Variants in CNGB1 observed in about 807,000 individuals in gnomAD.
CNGB1 encodes the protein cyclic nucleotide-gated channel beta-1.
In CNGB1, 126 loss-of-function variants were observed where a neutral mutation model predicts 151.7. The ratio of observed to expected loss-of-function variants is 0.83; its 90% CI spans 0.72 to 0.96. The LOEUF (loss-of-function observed/expected upper bound fraction) is 0.96, where lower values mean the gene tolerates loss of function less well. Among genes scored for constraint, CNGB1 ranks in the 40% least tolerant of loss-of-function variants. CNGB1 has a pLI of 0.00. For missense variants in CNGB1, 1,698 were observed against 1,627.0 expected (o/e 1.04, Z -0.75); for synonymous variants, 623 against 635.1 (o/e 0.98, Z 0.29).
Position 57,884,181 on chromosome 16 carries a change from C to G in CNGB1, c.3739G>C (p.Glu1247Gln). Residue 1247 changes from glutamate to glutamine, a missense_variant, in exon 33 of 33, where the codon GAG (glutamate) becomes CAG (glutamine). Glu to Gln is a conservative substitution (Grantham distance 29, BLOSUM62 2). Transcript: ENST00000251102. ...ACCCCACCTTACTCCGCCTTCTCCT[C>G]CCTTTCCTCCGGCATCTTCACCGAC... ...ILSVKMPEER[E>Q]EKAE 6.2e-7 allele frequency: 1 copy of G among 1,614,068 alleles called. No homozygotes were observed. Among genetic ancestry groups the G allele is most frequent in the Non-Finnish European group, 8.5e-7 (1 of 1,179,932 alleles).
At chr16:57,951,659 T>C (rs1163959158) in intron 12 of CNGB1, among the ~76,000 whole-genome samples, 1 of 152,232 alleles carries the variant, frequency 6.6e-6, no homozygotes, top group Non-Finnish European at 1.5e-5. Context: ...TTCCAGGCCC[T>C]GTGCTGAATG....
intron 14 of CNGB1, among the ~76,000 whole-genome samples, chr16:57,944,521 T>A (rs1350003263): frequency 6.6e-6 from 1 of 152,230 alleles, no homozygotes; most frequent in African/African-American, 2.4e-5. Flanking sequence ...TAAGAGTAGA[T>A]CTAAACTGTT....
intron 17 of CNGB1, among the ~76,000 whole-genome samples, chr16:57,931,130 ATTAT>A (rs1212652894): frequency 3.6e-4 from 55 of 151,488 alleles, no homozygotes; most frequent in African/African-American, 1.1e-3. Flanking sequence ...GTATTACTAT[ATTAT>A]TTATTTATTT....
At chr16:57,951,191 T>C (rs1305200233) in intron 12 of CNGB1, among the ~76,000 whole-genome samples, 19 of 152,166 alleles carry the variant, frequency 1.2e-4, no homozygotes, top group African/African-American at 4.6e-4. Context: ...CCTGGGCCTA[T>C]AAGCCTGGCA....
chr16:57,903,832 T>G lies in CNGB1; in HGVS notation c.2784A>C (p.Gln928His), dbSNP rs1282791872. Residue 928 changes from glutamine to histidine, a missense_variant, in exon 27 of 33, where the codon CAA (glutamine) becomes CAC (histidine). Physicochemically the swap from Gln to His is conservative, Grantham distance 24. Transcript: ENST00000251102. ...GCGTGACCATCTTACCCAGCATGCC[T>G]TGCGAGTGCCAGGTGTACTCGTACC... is the stretch of plus-strand genomic sequence containing the variant. ...KTWYEYTWHS[Q>H]GMLDESELMV... 1.9e-6 allele frequency: 3 copies of G among 1,614,118 alleles called. No homozygotes were observed. The highest frequency in any genetic ancestry group is 2.5e-6 in the Non-Finnish European group (3 of 1,180,028).
At chr16:57,908,176 C>G (rs1182160934) in intron 25 of CNGB1, among the ~76,000 whole-genome samples, 3 of 152,234 alleles carry the variant, frequency 2.0e-5, no homozygotes, top group Non-Finnish European at 2.9e-5. Flanking sequence ...CAGATATGAG[C>G]CACCAAAACC....
intron 17 of CNGB1, among the ~76,000 whole-genome samples, chr16:57,930,457 G>A (rs117204182): frequency 0.01 from 1,548 of 149,498 alleles, 40 homozygotes; most frequent in East Asian, 0.079. Context: ...TCACACCACT[G>A]CACTCCAACC....
chr16:57,951,783 A>G (rs1407743332), intron 12 of CNGB1, among the ~76,000 whole-genome samples: 1 of 152,100 alleles, frequency 6.6e-6, no homozygotes, highest in Admixed American at 6.5e-5. Context: ...AGATGAGCAA[A>G]CTGAGACACA....
chr16:57,904,911 C>T, intron 25 of CNGB1, 36 bp from the exon 26 acceptor site: 1 of 1,613,896 alleles, frequency 6.2e-7, no homozygotes, highest in Non-Finnish European at 8.5e-7. Context: ...TGGGTCATCA[C>T]AGGCCCCACT....
chr16:57,947,848 C>A (rs1474765819), intron 14 of CNGB1, among the ~76,000 whole-genome samples: 2 of 152,206 alleles, frequency 1.3e-5, no homozygotes, highest in South Asian at 4.1e-4. Context: ...GCCCTGATGA[C>A]CCCTCTGCAG....
chr16:57,905,667 G>T, intron 25 of CNGB1, among the ~76,000 whole-genome samples: 1 of 152,270 alleles, frequency 6.6e-6, no homozygotes, highest in Non-Finnish European at 1.5e-5. Context: ...GGCTGCGAGG[G>T]CTTTGCCCTC....
chr16:57,930,246 C>T (rs780045521), intron 17 of CNGB1, among the ~76,000 whole-genome samples: 1 of 152,002 alleles, frequency 6.6e-6, no homozygotes, highest in African/African-American at 2.4e-5. Flanking sequence ...CCTGTAATTC[C>T]GGCACTTTGG....
rs370901197 is a variant in CNGB1, at chr16:57,931,343, C to T, written c.1535+373G>A. On this transcript the variant is annotated intron_variant, in intron 17 of 32. Coordinates refer to ENST00000251102, the MANE Select transcript of CNGB1 (RefSeq NM_001297.5). The stretch of plus-strand genomic sequence containing the variant: ...AATTTTTTTGTATTTTTAGGAAAGA[C>T]GGGGTTTCGCTATGTTGGCCAGGCT... Among the ~76,000 whole-genome samples, 25 of 151,946 alleles carry T rather than the reference C, an allele frequency of 1.6e-4. 1 individual carries two copies. The highest frequency in any genetic ancestry group is 9.7e-4 in the East Asian group (5 of 5,164).
At chr16:57,956,532 G>A (rs75583241) in intron 12 of CNGB1, among the ~76,000 whole-genome samples, 4,169 of 152,238 alleles carry the variant, frequency 0.027, 176 homozygotes, top group African/African-American at 0.095. Context: ...TCAGACTAGC[G>A]GGGCTGGGGC....
intron 17 of CNGB1, among the ~76,000 whole-genome samples, chr16:57,927,758 C>T (rs1961229813): frequency 6.6e-6 from 1 of 152,192 alleles, no homozygotes; most frequent in Non-Finnish European, 1.5e-5. Context: ...CCCTACCCAG[C>T]CCAGCCTTCA....
intron 31 of CNGB1, among the ~76,000 whole-genome samples, chr16:57,888,399 C>G (rs1236407383): frequency 6.6e-6 from 1 of 152,008 alleles, no homozygotes; most frequent in Non-Finnish European, 1.5e-5. Context: ...GTCTCTCTCT[C>G]TCTCCTCTCT....
chr16:57,936,447 ACC>A (rs1182149796), intron 16 of CNGB1, among the ~76,000 whole-genome samples: 1 of 152,194 alleles, frequency 6.6e-6, no homozygotes, highest in African/African-American at 2.4e-5. Context: ...ATAAGGTTTT[ACC>A]TGTATAAAAA....
chr16:57,962,487 C>A (rs548269660), intron 7 of CNGB1, 78 bp downstream of exon 7: 26 of 1,325,380 alleles, frequency 2.0e-5, no homozygotes, highest in Non-Finnish European at 2.7e-5. Context: ...TGGTAACAGA[C>A]CCTGCTCCTG....
chr16:57,926,534 G>A (rs2149369555), intron 17 of CNGB1, among the ~76,000 whole-genome samples: 1 of 152,276 alleles, frequency 6.6e-6, no homozygotes, highest in Non-Finnish European at 1.5e-5. Context: ...CTGCCAACTC[G>A]CCGAGGATGG....
Sources: gnomAD v4.1 joint callset for allele counts (sites outside exome capture counted in the v4.1 genomes callset) on GRCh38, gnomAD v4.1.1 for gene constraint, MANE v1.5 for transcripts, NCBI Gene and HGNC (gene_info 2026-07-23, HGNC 2026-07-21) for gene names.